The following SNX4 variants were observed in gnomAD, a reference collection of about 807,000 sequenced individuals.
SNX4 encodes the protein sorting nexin 4.
A neutral mutation model predicts 70.8 loss-of-function variants in SNX4; 49 were observed. The ratio of observed to expected loss-of-function variants is 0.69; its 90% confidence interval spans 0.55 to 0.88. The LOEUF (loss-of-function observed/expected upper bound fraction) is 0.88, where lower values mean the gene tolerates loss of function less well. Ranked by LOEUF, SNX4 falls within the 40% of genes least tolerant of loss-of-function variation. The probability of loss-of-function intolerance (pLI) is 0.00; values close to 1 mark genes in which losing one functional copy is unlikely to be tolerated. For synonymous variants in SNX4, 206 were observed against 183.8 expected (o/e 1.12, Z -0.98); for missense variants, 528 against 544.8 (o/e 0.97, Z 0.31).
intron 2 of SNX4, among the ~76,000 whole-genome samples, chr3:125,502,011 T>C (rs1307615032): frequency 6.6e-6 from 1 of 152,192 alleles, no homozygotes. Context: ...ATTATCCAAA[T>C]CAAGGTTCTC....
chr3:125,459,753 G>C (rs1933827639), intron 10 of SNX4, among the ~76,000 whole-genome samples: 1 of 151,948 alleles, frequency 6.6e-6, no homozygotes, highest in Admixed American at 6.6e-5. Context: ...TCTTTTGCTT[G>C]GTGACTTGAA....
chr3:125,483,085 G>A (rs937415560), intron 6 of SNX4, among the ~76,000 whole-genome samples: 2 of 150,622 alleles, frequency 1.3e-5, no homozygotes, highest in African/African-American at 4.9e-5. Context: ...ATATATATCT[G>A]GTTAACCATA....
At chr3:125,467,084 CAAAAAAA>C (rs538874424) in intron 9 of SNX4, among the ~76,000 whole-genome samples, 1 of 74,534 alleles carries the variant, frequency 1.3e-5, no homozygotes, top group African/African-American at 4.4e-5. Flanking sequence ...CTCTGTCTTC[CAAAAAAA>C]AAAAAAAAAA....
At chr3:125,496,753 T>C (rs1038565731) in intron 5 of SNX4, among the ~76,000 whole-genome samples, 10 of 152,210 alleles carry the variant, frequency 6.6e-5, no homozygotes, top group African/African-American at 2.4e-4. Flanking sequence ...CTAATTCTAA[T>C]GACTAAATTT....
Position 125,520,051 on chromosome 3 carries a change from T to C in SNX4, c.122A>G (p.Glu41Gly). 1 of 1,554,866 alleles carries C rather than the reference T, an allele frequency of 6.4e-7. No individual in the cohort carries two copies. ...VGKEAEGAGEESSGVDTMTHN... is the reference protein window; with the variant it reads ...VGKEAEGAGEGSSGVDTMTHN... ...CCTCACCGTGTCGACCCCAGAGCTC[T>C]CTTCTCCGGCCCCCTCCGCTTCCTT... Residue 41 changes from glutamate to glycine, a missense_variant, in exon 1 of 14, where the codon GAG becomes GGG. Glu to Gly is a moderately conservative substitution (Grantham distance 98, BLOSUM62 -2). Coordinates refer to ENST00000251775, the MANE Select transcript of SNX4 (RefSeq NM_003794.4).
intron 11 of SNX4, among the ~76,000 whole-genome samples, chr3:125,455,873 C>T (rs1933702874): frequency 6.6e-6 from 1 of 151,928 alleles, no homozygotes; most frequent in Admixed American, 6.6e-5. Context: ...AAAAATTGGT[C>T]GGGCGTGGTG....
chr3:125,509,930 C>T (rs989698834), intron 1 of SNX4, among the ~76,000 whole-genome samples: 6 of 152,000 alleles, frequency 3.9e-5, no homozygotes, highest in African/African-American at 1.5e-4. Context: ...ATTAGAATGG[C>T]TACTATGAAA....
chr3:125,519,790 G>GAC (rs942944858), intron 1 of SNX4, among the ~76,000 whole-genome samples: 2 of 151,856 alleles, frequency 1.3e-5, no homozygotes, highest in African/African-American at 4.8e-5. Context: ...TCGCAGTCTC[G>GAC]ACACTTCCCT....
At chr3:125,475,075 C>A (rs993640911) in intron 8 of SNX4, among the ~76,000 whole-genome samples, 1 of 152,062 alleles carries the variant, frequency 6.6e-6, no homozygotes, top group African/African-American at 2.4e-5. Flanking sequence ...TTTTCATAGA[C>A]CCTGGTCCTA....
At chr3:125,468,663 T>C (rs1438263940) in intron 9 of SNX4, among the ~76,000 whole-genome samples, 4 of 152,060 alleles carry the variant, frequency 2.6e-5, no homozygotes, top group South Asian at 2.1e-4. Context: ...CTGGGCAACA[T>C]AGCAACACTC....
At chr3:125,456,588 CA>C (rs1411748575) in intron 11 of SNX4, among the ~76,000 whole-genome samples, 2 of 152,188 alleles carry the variant, frequency 1.3e-5, no homozygotes, top group Admixed American at 1.3e-4. Flanking sequence ...TTGAGGCTTC[CA>C]TGAGCCCTGA....
chr3:125,473,322 C>T (rs144764907), intron 8 of SNX4, among the ~76,000 whole-genome samples: 6 of 152,262 alleles, frequency 3.9e-5, no homozygotes, highest in Non-Finnish European at 7.4e-5. Flanking sequence ...TCCTAGATCA[C>T]TAGGACATAA....
At chr3:125,504,449 A>G (rs984554174) in intron 2 of SNX4, among the ~76,000 whole-genome samples, 174 bp downstream of exon 2, 2 of 151,844 alleles carry the variant, frequency 1.3e-5, no homozygotes, top group Non-Finnish European at 2.9e-5. Context: ...ACACCACTGC[A>G]CTCCAGCCCA....
chr3:125,498,034 A>G lies in SNX4; in HGVS notation c.399+25T>C, dbSNP rs772736075. 9 of 1,614,016 alleles carry G rather than the reference A, an allele frequency of 5.6e-6. No individual in the cohort carries two copies. The East Asian group carries it at 1.6e-4, about 28-fold the overall frequency. ...AATAGTCTCAATGCTGAATACTTCT[A>G]AACTACTGCCATTTCACTTCTTACC... On this transcript the variant is annotated intron_variant, in intron 3 of 13. Transcript: ENST00000251775.
chr3:125,458,554 T>C (rs900429411), intron 10 of SNX4, among the ~76,000 whole-genome samples: 4 of 152,124 alleles, frequency 2.6e-5, no homozygotes, highest in East Asian at 1.9e-4. Flanking sequence ...CGGTGGCTCA[T>C]GCCTGTAATC....
intron 1 of SNX4, among the ~76,000 whole-genome samples, chr3:125,516,044 C>T (rs79104015): frequency 0.023 from 3,495 of 152,282 alleles, 139 homozygotes; most frequent in African/African-American, 0.08. Flanking sequence ...TTCTCTGCTG[C>T]CAATCAGTGA....
intron 8 of SNX4, among the ~76,000 whole-genome samples, chr3:125,472,287 G>A (rs1934194368): frequency 6.6e-6 from 1 of 151,896 alleles, no homozygotes; most frequent in Non-Finnish European, 1.5e-5. Context: ...TTCCGATTAT[G>A]TGGCCCCCAA....
In SNX4 at chr3:125,519,948, G is replaced by GACCA; in HGVS notation, c.141+83_141+84insTGGT. ...TCGGCCGAGCCCACTGGCCCGGCCC[G>GACCA]GCCCAGCCCAGCCCAGCCCAGCCCA... On this transcript the variant is annotated intron_variant, in intron 1 of 13. Transcript: ENST00000251775. 9.0e-6 allele frequency: 7 copies of GACCA among 775,328 alleles called. No homozygotes were observed. The South Asian group carries it at 1.7e-4, about 19-fold the overall frequency. The allele number at this position is 775,328 out of a possible 1,614,324, so 48.0% of individuals were successfully genotyped here.
chr3:125,448,260 G>T (rs1933478750), intron 13 of SNX4, among the ~76,000 whole-genome samples: 1 of 150,942 alleles, frequency 6.6e-6, no homozygotes, highest in Non-Finnish European at 1.5e-5. Flanking sequence ...AAGTAGCTGG[G>T]ATCACAAGTG....
Sources: gnomAD v4.1 joint callset for allele counts (sites outside exome capture counted in the v4.1 genomes callset) on GRCh38, gnomAD v4.1.1 for gene constraint, MANE v1.5 for transcripts, NCBI Gene and HGNC (gene_info 2026-07-23, HGNC 2026-07-21) for gene names.